The following FUT8 variants were observed in gnomAD, a reference collection of about 807,000 sequenced individuals.
FUT8 encodes fucosyltransferase 8, also known as alpha-(1,6)-fucosyltransferase.
In FUT8, 29 loss-of-function variants were observed where a neutral mutation model predicts 71.3. The ratio of observed to expected loss-of-function variants is 0.41; its 90% confidence interval spans 0.30 to 0.55. The LOEUF (loss-of-function observed/expected upper bound fraction) is 0.55. Among genes scored for constraint, FUT8 ranks in the 20% least tolerant of loss-of-function variants. The probability of loss-of-function intolerance (pLI) is 0.34; values close to 1 mark genes in which losing one functional copy is unlikely to be tolerated. For missense variants in FUT8, 544 were observed against 702.1 expected (o/e 0.77, Z 2.55); for synonymous variants, 254 against 239.3 (o/e 1.06, Z -0.57).
chr14:65,708,000 A>G (rs1894633122), intron 7 of FUT8, among the ~76,000 whole-genome samples: 1 of 152,158 alleles, frequency 6.6e-6, no homozygotes, highest in Non-Finnish European at 1.5e-5. Flanking sequence ...TATTTCTGTG[A>G]AAAATGACAT....
intron 3 of FUT8, among the ~76,000 whole-genome samples, chr14:65,583,300 C>T (rs747830196): frequency 5.9e-5 from 9 of 152,150 alleles, no homozygotes; most frequent in Admixed American, 4.6e-4. Flanking sequence ...CTTGGTTCAG[C>T]CTCCCAAGCC....
chr14:65,428,330 G>T (rs2065419560), intron 1 of FUT8, among the ~76,000 whole-genome samples: 6 of 152,108 alleles, frequency 3.9e-5, no homozygotes, highest in Admixed American at 3.9e-4. Flanking sequence ...TCACTTTGAT[G>T]GTTTTAAGAG....
the FUT8 span, among the ~76,000 whole-genome samples, chr14:65,374,816 G>A: frequency 6.6e-6 from 1 of 151,638 alleles, no homozygotes. Flanking sequence ...TGGCCAGGCT[G>A]GTCTCGAACT....
intron 7 of FUT8, among the ~76,000 whole-genome samples, chr14:65,677,639 G>A (rs1477905013): frequency 6.6e-6 from 1 of 151,894 alleles, no homozygotes; most frequent in Non-Finnish European, 1.5e-5. Context: ...TAAATAATGG[G>A]CACATTTATA....
At chr14:65,740,013 G>A (rs551244582) in intron 10 of FUT8, among the ~76,000 whole-genome samples, 1 of 152,112 alleles carries the variant, frequency 6.6e-6, no homozygotes, top group East Asian at 1.9e-4. Flanking sequence ...TATTATTGGA[G>A]CTGCTTTAAT....
chr14:65,503,558 A>T (rs1350418240), intron 2 of FUT8, among the ~76,000 whole-genome samples: 1 of 152,150 alleles, frequency 6.6e-6, no homozygotes, highest in African/African-American at 2.4e-5. Flanking sequence ...TCTAGATTTT[A>T]CTTTCAGTAA....
At position 65,565,471 on chromosome 14, in the gene FUT8, T is replaced by A. The variant is rs150709502; in HGVS notation, c.203+3705T>A. On this transcript the variant is annotated intron_variant, in intron 3 of 10. Coordinates refer to ENST00000673929, the MANE Select transcript of FUT8 (RefSeq NM_001371533.1). ...TGTGAACAAAGTCACTATTAACCTT[T>A]GTTTCATAAACTTTTGTATGACCAT... Among the ~76,000 whole-genome samples the A allele has an allele frequency of 3.5e-3, 528 of 152,146 alleles. 2 individuals carry two copies. The highest frequency in any genetic ancestry group is 0.012 in the African/African-American group (501 of 41,552).
At chr14:65,375,406 G>A in the FUT8 span, among the ~76,000 whole-genome samples, 1 of 152,114 alleles carries the variant, frequency 6.6e-6, no homozygotes, top group Non-Finnish European at 1.5e-5. Context: ...GATTGTTTGA[G>A]CCAGGAGTTT....
chr14:65,362,516 AAC>A, the FUT8 span, among the ~76,000 whole-genome samples: 2 of 151,958 alleles, frequency 1.3e-5, no homozygotes, highest in African/African-American at 2.4e-5. Flanking sequence ...ATCTCAAACA[AAC>A]AAACAAACAA....
chr14:65,596,305 C>G (rs1887975145), intron 3 of FUT8, among the ~76,000 whole-genome samples: 1 of 152,064 alleles, frequency 6.6e-6, no homozygotes, highest in Non-Finnish European at 1.5e-5. Context: ...AAAACTACAT[C>G]TTTTTATTTG....
intron 6 of FUT8, among the ~76,000 whole-genome samples, chr14:65,642,554 G>T (rs988816367): frequency 7.1e-6 from 1 of 141,030 alleles, no homozygotes; most frequent in African/African-American, 2.6e-5. Flanking sequence ...AGTGAGCCAA[G>T]ATGGTGTCAC....
intron 7 of FUT8, among the ~76,000 whole-genome samples, chr14:65,716,383 CTTTT>C (rs1283884145): frequency 1.5e-5 from 2 of 130,140 alleles, no homozygotes; most frequent in Non-Finnish European, 3.3e-5. Context: ...TTCTTTGTCC[CTTTT>C]TTTTTTTTTT....
intron 2 of FUT8, among the ~76,000 whole-genome samples, chr14:65,509,008 C>T (rs531609815): frequency 7.6e-4 from 116 of 152,168 alleles, no homozygotes; most frequent in African/African-American, 2.6e-3. Context: ...CAGACCGATA[C>T]CCTGGAGAGT....
chr14:65,604,746 A>G (rs1888481533), intron 3 of FUT8, among the ~76,000 whole-genome samples: 1 of 151,934 alleles, frequency 6.6e-6, no homozygotes, highest in Non-Finnish European at 1.5e-5. Context: ...AAGAAAGGAA[A>G]TGACCAAGAT....
At chr14:65,360,681 A>C in the FUT8 span, among the ~76,000 whole-genome samples, 1 of 152,190 alleles carries the variant, frequency 6.6e-6, no homozygotes, top group Admixed American at 6.5e-5. Flanking sequence ...AAGCCTCAAC[A>C]TTTTTGTGCC....
the FUT8 span, among the ~76,000 whole-genome samples, chr14:65,391,935 G>A: frequency 6.6e-6 from 1 of 152,014 alleles, no homozygotes; most frequent in Non-Finnish European, 1.5e-5. Flanking sequence ...TAAGTGTTTT[G>A]TTTTGTTTTG....
At chr14:65,439,805 C>T (rs1186424647) in intron 1 of FUT8, among the ~76,000 whole-genome samples, 1 of 151,748 alleles carries the variant, frequency 6.6e-6, no homozygotes, top group East Asian at 1.9e-4. Context: ...GTGCTGAGCA[C>T]TCTAGTTCTG....
intron 7 of FUT8, among the ~76,000 whole-genome samples, chr14:65,683,959 A>C (rs1175900341): frequency 6.6e-6 from 1 of 151,996 alleles, no homozygotes; most frequent in Non-Finnish European, 1.5e-5. Context: ...TGGATATATA[A>C]TTGAAATTAA....
chr14:65,418,293 A>G (rs2065247587), intron 1 of FUT8, among the ~76,000 whole-genome samples: 1 of 152,234 alleles, frequency 6.6e-6, no homozygotes, highest in Non-Finnish European at 1.5e-5. Flanking sequence ...TATTTGATCA[A>G]GACTTTCAAT....
Sources: allele counts gnomAD v4.1 joint callset (sites outside exome capture counted in the v4.1 genomes callset), GRCh38; gene constraint gnomAD v4.1.1; transcripts MANE v1.5; gene names NCBI Gene and HGNC (gene_info 2026-07-23, HGNC 2026-07-21).